The following CA10 variants were observed in gnomAD, a reference collection of about 807,000 sequenced individuals.
CA10 encodes carbonic anhydrase-related protein 10.
In CA10, 14 loss-of-function variants were observed where a neutral mutation model predicts 44.2. That is an observed-to-expected ratio of 0.32 (90% CI 0.21 to 0.50). The LOEUF (loss-of-function observed/expected upper bound fraction) is 0.50, where lower values mean the gene tolerates loss of function less well. Among genes scored for constraint, CA10 ranks in the 20% least tolerant of loss-of-function variants. The pLI, the probability that CA10 is intolerant of heterozygous loss-of-function variation, is 0.99. For synonymous variants in CA10, 159 were observed against 141.6 expected (o/e 1.12, Z -0.87); for missense variants, 350 against 409.7 (o/e 0.85, Z 1.26).
intron 1 of CA10, among the ~76,000 whole-genome samples, chr17:52,108,105 C>CACTTTG (rs1988698831): frequency 6.7e-6 from 1 of 149,980 alleles, no homozygotes; most frequent in Non-Finnish European, 1.5e-5. Context: ...TTCTATCAGG[C>CACTTTG]ACTTTGAAAT....
At chr17:52,138,910 C>T (rs1355803557) in intron 1 of CA10, among the ~76,000 whole-genome samples, 1 of 152,184 alleles carries the variant, frequency 6.6e-6, no homozygotes, top group Non-Finnish European at 1.5e-5. Flanking sequence ...ACACAGCCTC[C>T]TGTGCTAGGT....
chr17:51,676,456 A>C (rs1233475124), intron 4 of CA10, among the ~76,000 whole-genome samples: 1 of 152,198 alleles, frequency 6.6e-6, no homozygotes, highest in Non-Finnish European at 1.5e-5. Context: ...CATATTAGAC[A>C]TGCAGAATCT....
chr17:51,993,533 C>T (rs1985118673), intron 2 of CA10, among the ~76,000 whole-genome samples: 1 of 151,918 alleles, frequency 6.6e-6, no homozygotes, highest in South Asian at 2.1e-4. Flanking sequence ...CAGAAATCCT[C>T]CCCAGTGCCT....
At chr17:51,865,965 G>C (rs1217098558) in intron 3 of CA10, among the ~76,000 whole-genome samples, 1 of 152,218 alleles carries the variant, frequency 6.6e-6, no homozygotes, top group African/African-American at 2.4e-5. Flanking sequence ...GAACAGGGCA[G>C]ATATAAAAAT....
At chr17:52,066,084 G>T (rs550312008) in intron 2 of CA10, among the ~76,000 whole-genome samples, 1 of 152,236 alleles carries the variant, frequency 6.6e-6, no homozygotes, top group South Asian at 2.1e-4. Flanking sequence ...AATTAAACTT[G>T]ATATCTTTAT....
chr17:52,097,588 T>C (rs1232641256), intron 1 of CA10, among the ~76,000 whole-genome samples: 1 of 152,226 alleles, frequency 6.6e-6, no homozygotes, highest in Non-Finnish European at 1.5e-5. Context: ...GGAATAAGTC[T>C]GACCTTTCTT....
chr17:51,943,337 AGTTCT>A (rs1420399429), intron 2 of CA10, among the ~76,000 whole-genome samples: 2 of 152,200 alleles, frequency 1.3e-5, no homozygotes, highest in Non-Finnish European at 2.9e-5. Context: ...AATAGATGCA[AGTTCT>A]TCAAGATCAG....
rs183755257 is a variant in CA10 at position 51,779,767 on chromosome 17, G to A, written c.280-31949C>T. 7.9e-5 allele frequency among the ~76,000 whole-genome samples: 12 copies of A among 152,294 alleles called. No homozygotes were observed. In the East Asian group the frequency reaches 1.7e-3, roughly 22 times the overall value. On this transcript the variant is annotated intron_variant, in intron 3 of 8. Transcript: ENST00000451037. ...TAGGTGATTCAAATTCATGGATTTA[G>A]GTGAGGAACCTGAAAATCTGTACCT... is the stretch of plus-strand genomic sequence containing the variant.
At chr17:51,916,051 G>A (rs555753485) in intron 3 of CA10, among the ~76,000 whole-genome samples, 2 of 151,932 alleles carry the variant, frequency 1.3e-5, no homozygotes, top group East Asian at 3.9e-4. Flanking sequence ...CATACTTGAA[G>A]AAGCCTAAAA....
intron 4 of CA10, among the ~76,000 whole-genome samples, chr17:51,668,758 T>TG (rs1056890037): frequency 3.3e-5 from 5 of 151,962 alleles, no homozygotes; most frequent in African/African-American, 1.2e-4. Flanking sequence ...CCTCTGCTTG[T>TG]GGGGAGGGGT....
At chr17:51,918,245 T>C (rs995354795) in intron 3 of CA10, among the ~76,000 whole-genome samples, 2 of 152,358 alleles carry the variant, frequency 1.3e-5, no homozygotes, top group Admixed American at 1.3e-4. Context: ...ATTTTGCTTA[T>C]ACTGAGAATA....
chr17:51,767,917 G>A (rs148992641), intron 3 of CA10, among the ~76,000 whole-genome samples: 1 of 152,272 alleles, frequency 6.6e-6, no homozygotes, highest in Admixed American at 6.5e-5. Flanking sequence ...AGGCAGTAAT[G>A]TGAGCATTGG....
chr17:51,986,763 A>C (rs1984852239), intron 2 of CA10, among the ~76,000 whole-genome samples: 1 of 152,026 alleles, frequency 6.6e-6, no homozygotes, highest in African/African-American at 2.4e-5. Flanking sequence ...AAAATACTTA[A>C]CATGACTAAT....
intron 2 of CA10, among the ~76,000 whole-genome samples, chr17:52,053,495 C>T (rs892499023): frequency 6.8e-6 from 1 of 147,218 alleles, no homozygotes; most frequent in East Asian, 1.9e-4. Context: ...AGAAAATACT[C>T]AAACGGATAA....
At chr17:52,023,097 G>A (rs1377634135) in intron 2 of CA10, among the ~76,000 whole-genome samples, 1 of 151,872 alleles carries the variant, frequency 6.6e-6, no homozygotes, top group Non-Finnish European at 1.5e-5. Flanking sequence ...TCACAGAATT[G>A]GAAATATCAA....
At chr17:51,923,261 C>T (rs746196224) in intron 3 of CA10, among the ~76,000 whole-genome samples, 6 of 152,112 alleles carry the variant, frequency 3.9e-5, no homozygotes, top group Non-Finnish European at 7.4e-5. Flanking sequence ...TTTTTGTTTT[C>T]TTTCCACCTT....
At chr17:51,974,028 C>T (rs78204822) in intron 2 of CA10, among the ~76,000 whole-genome samples, 1,834 of 152,064 alleles carry the variant, frequency 0.012, 27 homozygotes, top group African/African-American at 0.042. Flanking sequence ...TATATAATCT[C>T]ATTAAAGAAA....
intron 2 of CA10, among the ~76,000 whole-genome samples, chr17:52,005,309 G>T (rs1229727073): frequency 2.6e-5 from 4 of 151,906 alleles, no homozygotes; most frequent in African/African-American, 9.7e-5. Context: ...TGACATTATT[G>T]TGAAGTTACT....
At chr17:51,789,109 G>C (rs1252375209) in intron 3 of CA10, among the ~76,000 whole-genome samples, 5 of 152,062 alleles carry the variant, frequency 3.3e-5, no homozygotes, top group Admixed American at 3.3e-4. Flanking sequence ...CTGCCTCCTG[G>C]GTTCAAGCAA....
Sources: gnomAD v4.1 joint callset for allele counts (sites outside exome capture counted in the v4.1 genomes callset) on GRCh38, gnomAD v4.1.1 for gene constraint, MANE v1.5 for transcripts, NCBI Gene and HGNC (gene_info 2026-07-23, HGNC 2026-07-21) for gene names.